DOCK2: variants seen among roughly 807,000 people sequenced by gnomAD.
DOCK2 encodes dedicator of cytokinesis 2, also known as dedicator of cytokinesis protein 2.
In DOCK2, 87 loss-of-function variants were observed where a neutral mutation model predicts 248.9. The ratio of observed to expected loss-of-function variants is 0.35; its 90% CI spans 0.29 to 0.42. The LOEUF (loss-of-function observed/expected upper bound fraction) is 0.42, where lower values mean the gene tolerates loss of function less well. Ranked by LOEUF, DOCK2 falls within the 10% of genes least tolerant of loss-of-function variation. The pLI is 1.00. For synonymous variants in DOCK2, 805 were observed against 821.6 expected (o/e 0.98, Z 0.35); for missense variants, 1,747 against 2,300.2 (o/e 0.76, Z 4.92).
At chr5:170,062,400 G>A (rs1018836670) in intron 44 of DOCK2, among the ~76,000 whole-genome samples, 3 of 152,120 alleles carry the variant, frequency 2.0e-5, no homozygotes, top group Non-Finnish European at 2.9e-5. Flanking sequence ...GAGATGAAGT[G>A]AGGGACTTCT....
intron 27 of DOCK2, among the ~76,000 whole-genome samples, chr5:169,908,706 CTTTTTTCT>C (rs1181200612): frequency 5.5e-5 from 7 of 126,864 alleles, no homozygotes; most frequent in South Asian, 2.4e-4. Context: ...TTTCTCTTTT[CTTTTTTCT>C]TTTTTTTTTT....
At chr5:169,644,965 G>A (rs996584523) in intron 1 of DOCK2, among the ~76,000 whole-genome samples, 2 of 152,098 alleles carry the variant, frequency 1.3e-5, no homozygotes, top group Non-Finnish European at 2.9e-5. Flanking sequence ...CCCTGCAAAG[G>A]ACATGATCTC....
intron 6 of DOCK2, among the ~76,000 whole-genome samples, chr5:169,676,754 G>A (rs1359713383): frequency 1.3e-5 from 2 of 152,220 alleles, no homozygotes; most frequent in Admixed American, 6.5e-5. Context: ...CCTTGGAGGA[G>A]TGATCAGAAT....
intron 22 of DOCK2, among the ~76,000 whole-genome samples, chr5:169,742,742 A>G (rs1763387649): frequency 6.6e-6 from 1 of 152,296 alleles, no homozygotes; most frequent in South Asian, 2.1e-4. Flanking sequence ...GGTACAGAGC[A>G]TTGTACACAA....
At chr5:169,766,429 T>C (rs1484545816) in intron 25 of DOCK2, among the ~76,000 whole-genome samples, 2 of 152,230 alleles carry the variant, frequency 1.3e-5, no homozygotes, top group Non-Finnish European at 2.9e-5. Flanking sequence ...TGCGTAGTAT[T>C]TCATCATGTA....
intron 22 of DOCK2, among the ~76,000 whole-genome samples, chr5:169,733,633 T>A (rs1490409039): frequency 6.6e-6 from 1 of 152,094 alleles, no homozygotes. Flanking sequence ...CTTTAAGAAA[T>A]TCTGTTGGTA....
intron 47 of DOCK2, 105 bp downstream of exon 47, chr5:170,076,189 C>A: frequency 6.8e-7 from 1 of 1,467,184 alleles, no homozygotes; most frequent in Non-Finnish European, 9.2e-7. Context: ...GAAGCTGCTT[C>A]CAAAGAGAAG....
In DOCK2 at chr5:169,711,959, C is replaced by A. The variant is rs780311208; in HGVS notation, c.1507C>A (p.Gln503Lys). ...VKVAVPIEDMQRIHLRFMFRH... is the reference protein window; with the variant it reads ...VKVAVPIEDMKRIHLRFMFRH... ...GGTGGCTGTCCCTATTGAAGACATG[C>A]AGAGGATCCATCTGCGATTCATGTT... The change falls in exon 16 of 52, where the codon CAG (glutamine) becomes AAG (lysine). Residue 503 changes from glutamine to lysine, a missense_variant. This residue lies in a region of DOCK2 where 858 missense variants were observed against 1,183.5 expected (regional missense o/e 0.72). Transcript: ENST00000520908. 2 of 1,614,082 alleles carry A rather than the reference C, an allele frequency of 1.2e-6. No individual in the cohort carries two copies. Among genetic ancestry groups the A allele is most frequent in the Non-Finnish European group, 1.7e-6 (2 of 1,179,970 alleles).
At position 169,883,711 on chromosome 5, in the gene DOCK2, G is replaced by C. The variant is rs556297294; in HGVS notation, c.2799+42859G>C. The C allele has an allele frequency of 2.3e-5, 36 of 1,551,418 alleles. No individual in the cohort carries two copies. The highest frequency in any genetic ancestry group is 3.1e-5 in the Non-Finnish European group (36 of 1,146,914). On this transcript the variant is annotated intron_variant, in intron 27 of 51. Coordinates refer to ENST00000520908, the MANE Select transcript of DOCK2 (RefSeq NM_004946.3). ...GGTTGCTTGAGTCTTCCCCATCACA[G>C]CCGGGTCTTCTGGAGTTTGGACGTC...
At position 170,067,637 on chromosome 5, in the gene DOCK2, A is replaced by G. The variant is rs2113867972; in HGVS notation, c.4595A>G (p.Asn1532Ser). Residue 1532 changes from asparagine to serine, a missense_variant, in exon 45 of 52, where the codon AAC becomes AGC. Coordinates refer to ENST00000520908, the MANE Select transcript of DOCK2 (RefSeq NM_004946.3). ...ATCAACCCACTCTCCATGCTCCTGA[A>G]CGGGATTGTGGACCCTGCTGTCATG... ...LPINPLSMLL[N>S]GIVDPAVMGG... is the part of the protein sequence containing the mutation. 1 of 1,614,162 alleles carries G rather than the reference A, an allele frequency of 6.2e-7. No individual in the cohort carries two copies. Among genetic ancestry groups the G allele is most frequent in the Non-Finnish European group, 8.5e-7 (1 of 1,180,000 alleles).
intron 1 of DOCK2, among the ~76,000 whole-genome samples, chr5:169,653,966 A>G (rs1311707138): frequency 2.0e-5 from 3 of 152,228 alleles, no homozygotes; most frequent in Non-Finnish European, 2.9e-5. Context: ...CAGAGGCCAC[A>G]GCTGCCTGGC....
chr5:169,783,214 TG>T (rs778212402), intron 25 of DOCK2, among the ~76,000 whole-genome samples: 7 of 152,204 alleles, frequency 4.6e-5, no homozygotes, highest in Middle Eastern at 3.2e-3. Context: ...CTTCAGAAAT[TG>T]GAAATATTCA....
chr5:169,940,915 C>A (rs1439089218), intron 27 of DOCK2, among the ~76,000 whole-genome samples: 1 of 152,200 alleles, frequency 6.6e-6, no homozygotes, highest in Admixed American at 6.5e-5. Context: ...TGCTGCTAAT[C>A]ATACAGTGAG....
At chr5:169,885,128 C>T (rs1023079725) in intron 27 of DOCK2, among the ~76,000 whole-genome samples, 1 of 152,202 alleles carries the variant, frequency 6.6e-6, no homozygotes, top group African/African-American at 2.4e-5. Flanking sequence ...TACTCACACA[C>T]CCAGTGCCAA....
At chr5:169,807,453 G>A (rs1252939630) in intron 26 of DOCK2, among the ~76,000 whole-genome samples, 1 of 151,656 alleles carries the variant, frequency 6.6e-6, no homozygotes, top group Non-Finnish European at 1.5e-5. Flanking sequence ...TTTTCCTTTA[G>A]TATTCACTGG....
intron 26 of DOCK2, among the ~76,000 whole-genome samples, chr5:169,808,253 C>G (rs933025473): frequency 3.9e-5 from 6 of 152,220 alleles, no homozygotes; most frequent in Non-Finnish European, 7.3e-5. Context: ...AGGGTAGAAC[C>G]ACGTGTGGAA....
chr5:169,948,518 A>C (rs1364502236), intron 27 of DOCK2, among the ~76,000 whole-genome samples: 4 of 152,022 alleles, frequency 2.6e-5, no homozygotes, highest in Non-Finnish European at 5.9e-5. Context: ...CTACACACAC[A>C]TAGAAACACA....
intron 30 of DOCK2, chr5:170,000,386 T>TTGACTTTTCTGTTAAAGGTCATCTAAC: frequency 6.6e-6 from 1 of 152,372 alleles, no homozygotes; most frequent in Non-Finnish European, 1.5e-5. Context: ...AGAGAATTGA[T>TTGACTTTTCTGTTAAAGGTCATCTAAC]TGACTTTTCT....
At chr5:169,799,426 C>T (rs1766838871) in intron 25 of DOCK2, among the ~76,000 whole-genome samples, 1 of 152,190 alleles carries the variant, frequency 6.6e-6, no homozygotes, top group East Asian at 1.9e-4. Flanking sequence ...GCATTTACCA[C>T]TTCAGATGAA....
Sources: gnomAD v4.1 joint callset for allele counts (sites outside exome capture counted in the v4.1 genomes callset) on GRCh38, gnomAD v4.1.1 for gene constraint, gnomAD v4.1.1 regional missense constraint, MANE v1.5 for transcripts, NCBI Gene and HGNC (gene_info 2026-07-23, HGNC 2026-07-21) for gene names.